The following TIAM1 variants were observed in gnomAD, a reference collection of about 807,000 sequenced individuals.
TIAM1 encodes the protein rho guanine nucleotide exchange factor TIAM1.
TIAM1 carries 65 observed loss-of-function variants against 163.5 expected under a neutral mutation model. That is an observed-to-expected ratio of 0.40 (90% confidence interval 0.33 to 0.49). The LOEUF (loss-of-function observed/expected upper bound fraction) is 0.49. Among genes scored for constraint, TIAM1 ranks in the 20% least tolerant of loss-of-function variants. TIAM1 has a pLI of 0.77. For missense variants in TIAM1, 1,789 were observed against 2,044.7 expected, an observed-to-expected ratio of 0.87 and a Z score of 2.41; for synonymous variants, 833 against 810.1, an observed-to-expected ratio of 1.03 and a Z score of -0.48.
At chr21:31,531,760 TA>T (rs60258369) in intron 1 of TIAM1, among the ~76,000 whole-genome samples, 44,498 of 144,078 alleles carry the variant, frequency 0.31, 7,603 homozygotes, top group East Asian at 0.75. Flanking sequence ...ATACAGGAGT[TA>T]AAAAAAAAAA....
intron 2 of TIAM1, among the ~76,000 whole-genome samples, chr21:31,462,974 G>A (rs184364831): frequency 7.9e-5 from 12 of 152,054 alleles, no homozygotes; most frequent in Admixed American, 1.3e-4. Context: ...AACTCCTGAC[G>A]TCAGGTGATC....
chr21:31,469,804 C>A (rs1421261279), intron 1 of TIAM1, among the ~76,000 whole-genome samples: 1 of 151,262 alleles, frequency 6.6e-6, no homozygotes, highest in Non-Finnish European at 1.5e-5. Context: ...TGCCCTCCAG[C>A]CTGGGTGACA....
chr21:31,375,507 C>CA (rs11403373), intron 2 of TIAM1, among the ~76,000 whole-genome samples: 152,268 of 152,268 alleles, frequency 1, 76,134 homozygotes, highest in Non-Finnish European at 1. Context: ...TCTGTTTTTT[C>CA]AACTTCCCAC....
At chr21:31,343,441 AG>A (rs1358990363) in intron 1 of TIAM1, among the ~76,000 whole-genome samples, 6 of 152,210 alleles carry the variant, frequency 3.9e-5, no homozygotes, top group Non-Finnish European at 7.3e-5. Context: ...AAATTGACTT[AG>A]GCAATCGATC....
chr21:31,345,017 G>T (rs2076121242), upstream of TIAM1, among the ~76,000 whole-genome samples: 1 of 152,170 alleles, frequency 6.6e-6, no homozygotes, highest in African/African-American at 2.4e-5. Context: ...TCCCTCTGCT[G>T]TGCTTGACCT....
At chr21:31,359,666 G>A (rs1005142662) in intron 2 of TIAM1, among the ~76,000 whole-genome samples, 1 of 152,004 alleles carries the variant, frequency 6.6e-6, no homozygotes, top group African/African-American at 2.4e-5. Context: ...GCGGGTGCCT[G>A]TAATCCTAGC....
At chr21:31,393,351 G>A (rs2076999846) in intron 2 of TIAM1, among the ~76,000 whole-genome samples, 1 of 152,144 alleles carries the variant, frequency 6.6e-6, no homozygotes, top group Non-Finnish European at 1.5e-5. Flanking sequence ...AATGAAAAAC[G>A]AATGCAACAG....
At chr21:31,512,720 C>G (rs1012009953) in intron 1 of TIAM1, among the ~76,000 whole-genome samples, 3 of 150,926 alleles carry the variant, frequency 2.0e-5, no homozygotes, top group African/African-American at 7.3e-5. Context: ...CAGGCTCAAG[C>G]AATCCTCCCG....
At chr21:31,129,734 T>C (rs925628152) in intron 25 of TIAM1, among the ~76,000 whole-genome samples, 3 of 152,312 alleles carry the variant, frequency 2.0e-5, no homozygotes, top group Admixed American at 6.5e-5. Flanking sequence ...ACAGCAAAGA[T>C]AAAGATTTGT....
intron 2 of TIAM1, among the ~76,000 whole-genome samples, chr21:31,313,685 C>A (rs189024687): frequency 6.6e-6 from 1 of 152,320 alleles, no homozygotes; most frequent in East Asian, 1.9e-4. Context: ...ACCGATTCTC[C>A]TGCCTCAGCC....
intron 2 of TIAM1, among the ~76,000 whole-genome samples, chr21:31,316,636 A>T (rs1356025775): frequency 1.3e-5 from 2 of 152,194 alleles, no homozygotes; most frequent in Non-Finnish European, 2.9e-5. Context: ...GGGCATGCCT[A>T]TGCCTCTTGT....
chr21:31,464,843 G>C (rs915630701), intron 1 of TIAM1, among the ~76,000 whole-genome samples: 2 of 93,494 alleles, frequency 2.1e-5, no homozygotes, highest in African/African-American at 9.2e-5. Context: ...CTTCCGTCTC[G>C]GGAAAAAAAA....
At chr21:31,322,066 C>A (rs1179228980) in intron 2 of TIAM1, among the ~76,000 whole-genome samples, 1 of 151,968 alleles carries the variant, frequency 6.6e-6, no homozygotes, top group African/African-American at 2.4e-5. Flanking sequence ...AACAAAAAAA[C>A]CAACTCAGCA....
Position 31,152,753 on chromosome 21 carries a change from C to G in TIAM1, c.3249G>C (p.Val1083=). 6.2e-7 allele frequency: 1 copy of G among 1,614,008 alleles called. No individual in the cohort carries two copies. Among genetic ancestry groups the G allele is most frequent in the South Asian group, 1.1e-5 (1 of 91,048 alleles). Residue 1083 remains valine, a synonymous_variant, in exon 19 of 28, where the codon GTG becomes GTC. Coordinates refer to ENST00000541036, the MANE Select transcript of TIAM1 (RefSeq NM_001353694.2). ...CCATTTCCGTTAAATTTCCAAAAAGCACGTCAAGCTAGAAATAAAACAGAA... is the reference window on the plus strand; with the variant it reads ...CCATTTCCGTTAAATTTCCAAAAAGGACGTCAAGCTAGAAATAAAACAGAA... ...ETFLTQDELD[V]LFGNLTEMVE... is the part of the protein sequence containing the mutation.
At position 31,430,219 on chromosome 21, in the gene TIAM1, AAAAAAAATATAT is replaced by A. The variant is rs1326757144; in HGVS notation, c.-369+33752_-369+33763del. Among the ~76,000 whole-genome samples, 98 of 110,976 alleles carry A rather than the reference AAAAAAAATATAT, an allele frequency of 8.8e-4. 3 individuals carry two copies. The highest frequency in any genetic ancestry group is 4.3e-3 in the African/African-American group (95 of 22,306). The allele number at this position is 110,976 out of a possible 152,430, so 72.8% of individuals were successfully genotyped here. A position where few individuals can be genotyped will look rare whatever the true frequency, so the allele number is the denominator to read the frequency against. On this transcript the variant is annotated intron_variant, in intron 2 of 28. Coordinates refer to the TIAM1 transcript ENST00000286827. ...GAAACTCCATCTCAAAGAAAAAAAA[AAAAAAAATATAT>A]ATATATATATATATATACACACACA...
At chr21:31,225,523 T>A (rs980691134) in intron 7 of TIAM1, among the ~76,000 whole-genome samples, 26 of 152,136 alleles carry the variant, frequency 1.7e-4, no homozygotes, top group African/African-American at 5.8e-4. Flanking sequence ...AATGTAATAT[T>A]GTTCCGTTTA....
At chr21:31,519,240 G>C (rs1328428736) in intron 1 of TIAM1, among the ~76,000 whole-genome samples, 1 of 150,716 alleles carries the variant, frequency 6.6e-6, no homozygotes, top group African/African-American at 2.4e-5. Flanking sequence ...GGGAGGCGGA[G>C]GTTGCGGTGA....
intron 3 of TIAM1, among the ~76,000 whole-genome samples, chr21:31,271,096 T>A (rs765727108): frequency 6.6e-6 from 1 of 152,082 alleles, no homozygotes; most frequent in Non-Finnish European, 1.5e-5. Flanking sequence ...CACTTACTGG[T>A]CTTTCTTATT....
At chr21:31,192,939 G>A (rs1456609543) in intron 13 of TIAM1, among the ~76,000 whole-genome samples, 2 of 152,160 alleles carry the variant, frequency 1.3e-5, no homozygotes, top group Non-Finnish European at 2.9e-5. Flanking sequence ...CGTGGTGAAT[G>A]TGAGAAATAA....
Sources: gnomAD v4.1 joint callset for allele counts (sites outside exome capture counted in the v4.1 genomes callset) on GRCh38, gnomAD v4.1.1 for gene constraint, MANE v1.5 for transcripts, NCBI Gene and HGNC (gene_info 2026-07-23, HGNC 2026-07-21) for gene names.